PCDHAC1: variants seen among roughly 807,000 people sequenced by gnomAD.
The protein encoded by PCDHAC1 is protocadherin alpha subfamily C, 1.
In PCDHAC1, 42 loss-of-function variants were observed where a neutral mutation model predicts 60.0. The ratio of observed to expected loss-of-function variants is 0.70; its 90% CI spans 0.55 to 0.90. The LOEUF (loss-of-function observed/expected upper bound fraction) is 0.90, where lower values mean the gene tolerates loss of function less well. PCDHAC1 is among the 40% of genes least tolerant of loss of function. The pLI is 0.00. For synonymous variants in PCDHAC1, 468 were observed against 499.3 expected, an observed-to-expected ratio of 0.94 and a Z score of 0.84; for missense variants, 1,160 against 1,222.3, an observed-to-expected ratio of 0.95 and a Z score of 0.76.
In PCDHAC1 at chr5:140,927,991, G is replaced by T; in HGVS notation, c.1099G>T (p.Glu367Ter). The T allele has an allele frequency of 6.2e-7, 1 of 1,614,202 alleles. No homozygotes were observed. Among genetic ancestry groups the T allele is most frequent in the Non-Finnish European group, 8.5e-7 (1 of 1,180,042 alleles). Residue 367 changes from glutamate to a stop codon, truncating the protein, a stop_gained, in exon 1 of 4, where the codon GAA (glutamate) becomes TAA (stop). Coordinates refer to ENST00000253807, the MANE Select transcript of PCDHAC1 (RefSeq NM_018898.5). LOFTEE classifies it high-confidence loss of function. ...GATTGCTCTCTTTAGTGTAAAGGAT[G>T]AAGACCTCGATTCTAATGGTAGGGT... ...TVIALFSVKD[E>*]DLDSNGRVIC...
chr5:140,994,258 G>A (rs2097608740), intron 3 of PCDHAC1, among the ~76,000 whole-genome samples: 1 of 152,122 alleles, frequency 6.6e-6, no homozygotes, highest in Admixed American at 6.5e-5. Flanking sequence ...GGTAAATAAG[G>A]TAAGCTAGGC....
At chr5:140,967,627 C>G (rs1218869340) in intron 1 of PCDHAC1, 16 of 1,614,040 alleles carry the variant, frequency 9.9e-6, no homozygotes, top group Non-Finnish European at 1.3e-5. Context: ...CGGATGAGGG[C>G]TCCAATGGTG....
At chr5:140,968,722 T>C (rs1379540261) in intron 1 of PCDHAC1, 2 of 1,613,846 alleles carry the variant, frequency 1.2e-6, no homozygotes, top group Admixed American at 1.7e-5. Context: ...GAGATGAGAG[T>C]GGTAGCACTT....
intron 3 of PCDHAC1, among the ~76,000 whole-genome samples, chr5:140,994,257 G>A (rs1232863771): frequency 6.6e-6 from 1 of 152,122 alleles, no homozygotes; most frequent in East Asian, 1.9e-4. Context: ...AGGTAAATAA[G>A]GTAAGCTAGG....
chr5:140,945,715 A>G (rs145543790), intron 1 of PCDHAC1, among the ~76,000 whole-genome samples: 3,564 of 152,270 alleles, frequency 0.023, 50 homozygotes, highest in Middle Eastern at 0.034. Context: ...AAAAGTATCA[A>G]GAATATACAA....
chr5:140,957,416 A>T (rs1456143168), intron 1 of PCDHAC1, among the ~76,000 whole-genome samples: 2 of 152,144 alleles, frequency 1.3e-5, no homozygotes, highest in East Asian at 1.9e-4. Flanking sequence ...TATTGTTGTT[A>T]ATCTTTTACT....
At chr5:140,983,542 C>A (rs1554245538) in intron 3 of PCDHAC1, among the ~76,000 whole-genome samples, 1 of 152,152 alleles carries the variant, frequency 6.6e-6, no homozygotes, top group African/African-American at 2.4e-5. Flanking sequence ...TGTGTGGTCT[C>A]ATTTATTCCT....
rs1006692100 is a variant in PCDHAC1 at position 140,968,013 on chromosome 5, G to A, written c.2434-10936G>A. Reference sequence around the variant, plus strand: ...CTGCCTTTCCGACTGAATGGCTTTGGAAACTCCTATACACTGGTGGTGAGC... The same window carrying A: ...CTGCCTTTCCGACTGAATGGCTTTGAAAACTCCTATACACTGGTGGTGAGC... On this transcript the variant is annotated intron_variant, in intron 1 of 3. Coordinates refer to ENST00000253807, the MANE Select transcript of PCDHAC1 (RefSeq NM_018898.5). 2.5e-6 allele frequency: 4 copies of A among 1,614,066 alleles called. No individual in the cohort carries two copies. The African/African-American group carries it at 4.0e-5, about 16-fold the overall frequency.
chr5:140,969,704 T>A (rs1317094729), intron 1 of PCDHAC1, among the ~76,000 whole-genome samples: 2 of 152,172 alleles, frequency 1.3e-5, no homozygotes, highest in African/African-American at 4.8e-5. Context: ...TGCTGTATCA[T>A]CTACAGGGAA....
chr5:140,973,812 G>A (rs897592585), intron 1 of PCDHAC1, among the ~76,000 whole-genome samples: 10 of 152,236 alleles, frequency 6.6e-5, no homozygotes, highest in Admixed American at 6.5e-4. Context: ...TGACAGAATA[G>A]CAAAGTCAGT....
chr5:140,976,702 A>G (rs782610534), intron 1 of PCDHAC1, among the ~76,000 whole-genome samples: 2 of 152,220 alleles, frequency 1.3e-5, no homozygotes, highest in Non-Finnish European at 2.9e-5. Context: ...AATAATGTTG[A>G]CTTTGCATTA....
chr5:140,938,500 T>C (rs1450018538), intron 1 of PCDHAC1, among the ~76,000 whole-genome samples: 2 of 152,156 alleles, frequency 1.3e-5, no homozygotes, highest in Non-Finnish European at 2.9e-5. Context: ...AGGCATTGAA[T>C]TTATCACATA....
chr5:141,005,256 A>C (rs1307850409), intron 3 of PCDHAC1, among the ~76,000 whole-genome samples: 1 of 152,212 alleles, frequency 6.6e-6, no homozygotes, highest in East Asian at 1.9e-4. Flanking sequence ...TGTGCTAGGC[A>C]CTGGTGATAC....
At chr5:141,002,600 A>G (rs1269340072) in intron 3 of PCDHAC1, among the ~76,000 whole-genome samples, 1 of 152,204 alleles carries the variant, frequency 6.6e-6, no homozygotes, top group Non-Finnish European at 1.5e-5. Flanking sequence ...CCCCTCATCT[A>G]TAAAACAGAC....
chr5:140,942,906 G>A (rs1454697434), intron 1 of PCDHAC1, among the ~76,000 whole-genome samples: 1 of 151,800 alleles, frequency 6.6e-6, no homozygotes, highest in South Asian at 2.1e-4. Flanking sequence ...CTAAGAATAA[G>A]CGTGAAGAAA....
In PCDHAC1 at chr5:140,927,200, AC is replaced by A; in HGVS notation, c.311del (p.Pro104ArgfsTer34). 6.2e-7 allele frequency: 1 copy of A among 1,614,014 alleles called. No individual in the cohort carries two copies. The highest frequency in any genetic ancestry group is 8.5e-7 in the Non-Finnish European group (1 of 1,180,014). The stretch of plus-strand genomic sequence containing the variant: ...TTGACCTACGACCTGGTGCTCGAGG[AC>A]CCGCTGGAGCTGCACAAGATTCGGA... Reference protein sequence around the residue: ...CVLTYDLVLEDPLELHKIRIH... With the variant: ...CVLTYDLVLEXPLELHKIRIH... On this transcript the variant is annotated frameshift_variant, in exon 1 of 4. Transcript: ENST00000253807. LOFTEE classifies it high-confidence loss of function.
At chr5:141,000,210 A>G (rs1475631796) in intron 3 of PCDHAC1, among the ~76,000 whole-genome samples, 3 of 151,622 alleles carry the variant, frequency 2.0e-5, no homozygotes, top group Non-Finnish European at 2.9e-5. Context: ...CACCTTCATT[A>G]TCAAATGCCT....
At chr5:141,006,007 T>C (rs1554260471) in intron 3 of PCDHAC1, among the ~76,000 whole-genome samples, 1 of 151,298 alleles carries the variant, frequency 6.6e-6, no homozygotes, top group African/African-American at 2.4e-5. Flanking sequence ...AGAAGGCCTG[T>C]ATGGTTGGAG....
At chr5:140,996,591 T>TC (rs201351256) in intron 3 of PCDHAC1, among the ~76,000 whole-genome samples, 1,577 of 152,202 alleles carry the variant, frequency 0.01, 12 homozygotes, top group Middle Eastern at 0.058. Flanking sequence ...AAGGGCCGCC[T>TC]CCCCCCATTT....
Sources: allele counts gnomAD v4.1 joint callset (sites outside exome capture counted in the v4.1 genomes callset), GRCh38; gene constraint gnomAD v4.1.1; transcripts MANE v1.5; gene names NCBI Gene and HGNC (gene_info 2026-07-23, HGNC 2026-07-21).